DNAH17: variants seen among roughly 807,000 people sequenced by gnomAD.
The protein encoded by DNAH17 is dynein axonemal heavy chain 17, also known as axonemal beta dynein heavy chain 17.
In DNAH17, 376 loss-of-function variants were observed where a neutral mutation model predicts 485.6. The ratio of observed to expected loss-of-function variants is 0.77; its 90% CI spans 0.71 to 0.84. The LOEUF is 0.84. DNAH17 is among the 40% of genes least tolerant of loss of function. DNAH17 has a pLI of 0.00. For missense variants in DNAH17, 6,370 were observed against 5,839.3 expected (o/e 1.09, Z -2.96); for synonymous variants, 3,031 against 2,405.9 (o/e 1.26, Z -7.60).
Position 78,460,179 on chromosome 17 carries a change from G to A in DNAH17, c.9418C>T (p.Leu3140=), listed in dbSNP as rs754594014. 2.5e-5 allele frequency: 40 copies of A among 1,607,796 alleles called. No individual in the cohort carries two copies. The highest frequency in any genetic ancestry group is 3.3e-5 in the Non-Finnish European group (39 of 1,176,838). Residue 3140 remains leucine (L), a synonymous_variant, in exon 59 of 81, where the codon CTG becomes TTG. Transcript: ENST00000389840. ...EPALLAAQEA[L]DTLNKNNLTE... ...CCCTTTACCTTATTCAGAGTGTCCA[G>A]AGCCTCCTGGGCTGCCAGCAGGGCC...
At chr17:78,558,024 ATC>A (rs2092064803) in intron 14 of DNAH17, 82 bp downstream of exon 14, 1 of 1,463,628 alleles carries the variant, frequency 6.8e-7, no homozygotes, top group South Asian at 1.4e-5. Context: ...GAAGAGCCAC[ATC>A]TCTGAAACAC....
chr17:78,539,780 A>G lies in DNAH17; in HGVS notation c.2633T>C (p.Ile878Thr). 1 of 1,611,916 alleles carries G rather than the reference A, an allele frequency of 6.2e-7. No homozygotes were observed. Among genetic ancestry groups the G allele is most frequent in the South Asian group, 1.1e-5 (1 of 90,850 alleles). ...CATTAGGAAACTCAGAGATTTGCGA[A>G]TGAACTGGTCAAATTCATCTAAGAC... The part of the protein sequence containing the change: ...DMVLDEFDQF[I>T]RKSLSFLMDN... The change falls in exon 18 of 81, where the codon ATT (isoleucine) becomes ACT (threonine). Residue 878 changes from isoleucine to threonine, a missense_variant. Transcript: ENST00000389840.
At chr17:78,492,173 CA>C (rs1277094976) in intron 42 of DNAH17, among the ~76,000 whole-genome samples, 7 of 152,152 alleles carry the variant, frequency 4.6e-5, no homozygotes, top group African/African-American at 1.7e-4. Flanking sequence ...TCAGCTCTCG[CA>C]GCTCCTTTCT....
intron 69 of DNAH17, among the ~76,000 whole-genome samples, chr17:78,446,706 C>A (rs959340215): frequency 6.6e-6 from 1 of 152,134 alleles, no homozygotes; most frequent in South Asian, 2.1e-4. Flanking sequence ...CGCAGTAGCG[C>A]AATCTCGGCT....
At position 78,509,246 on chromosome 17, in the gene DNAH17, G is replaced by A. The variant is rs374387698; in HGVS notation, c.4236+1138C>T. Reference sequence around the variant, plus strand: ...TCCCCAAAGCGTTGGGATTACAGGCGTGAGCCACCGTGCCCGGTCCCCCGC... The same window carrying A: ...TCCCCAAAGCGTTGGGATTACAGGCATGAGCCACCGTGCCCGGTCCCCCGC... On this transcript the variant is annotated intron_variant, in intron 27 of 80. Coordinates refer to ENST00000389840, the MANE Select transcript of DNAH17 (RefSeq NM_173628.4). Among the ~76,000 whole-genome samples the A allele has an allele frequency of 6.7e-4, 101 of 150,534 alleles. 23 individuals are homozygous for A. Among genetic ancestry groups the A allele is most frequent in the African/African-American group, 2.4e-3 (96 of 40,780 alleles).
At position 78,551,653 on chromosome 17, in the gene DNAH17, T is replaced by C. The variant is rs755083683; in HGVS notation, c.2288-15A>G. 6.2e-7 allele frequency: 1 copy of C among 1,612,630 alleles called. No homozygotes were observed. Among genetic ancestry groups the C allele is most frequent in the South Asian group, 1.1e-5 (1 of 91,030 alleles). On this transcript the variant is annotated splice_polypyrimidine_tract_variant and intron_variant, in intron 15 of 80. Transcript: ENST00000389840. ...CTGAAACACACCTAAAATGGAAATG[T>C]AGAGGAATCTTACAAAATGAACAAT...
chr17:78,524,875 G>A, intron 25 of DNAH17, 134 bp downstream of exon 25: 2 of 1,252,138 alleles, frequency 1.6e-6, no homozygotes, highest in Admixed American at 2.6e-5. Flanking sequence ...CCCTTCGGAT[G>A]CCTCCACCCA....
At chr17:78,533,278 A>C (rs1159272044) in intron 19 of DNAH17, among the ~76,000 whole-genome samples, 1 of 152,198 alleles carries the variant, frequency 6.6e-6, no homozygotes, top group Admixed American at 6.5e-5. Flanking sequence ...TTCATCAAAG[A>C]ATCACAGAAA....
At chr17:78,509,345 G>A (rs1465574313) in intron 27 of DNAH17, among the ~76,000 whole-genome samples, 2 of 151,928 alleles carry the variant, frequency 1.3e-5, no homozygotes, top group Non-Finnish European at 2.9e-5. Flanking sequence ...GCCTTCTCTT[G>A]AACTCCTGGG....
Position 78,486,481 on chromosome 17 carries a change from G to GC in DNAH17, c.6843dup (p.Arg2282AlafsTer15). 1 of 1,611,074 alleles carries GC rather than the reference G, an allele frequency of 6.2e-7. No individual in the cohort carries two copies. On this transcript the variant is annotated frameshift_variant, in exon 45 of 81. Coordinates refer to ENST00000389840, the MANE Select transcript of DNAH17 (RefSeq NM_173628.4). LOFTEE classifies it high-confidence loss of function. ...TTGGCCTTCTCCGACTGCACCTTGC[G>GC]CCTCTCGATCCAGCTGCTCACCACC... is the stretch of plus-strand genomic sequence containing the variant.
At chr17:78,429,504 G>A (rs1320923699) in intron 75 of DNAH17, among the ~76,000 whole-genome samples, 2 of 152,154 alleles carry the variant, frequency 1.3e-5, no homozygotes, top group Non-Finnish European at 2.9e-5. Flanking sequence ...GCCACCAGAC[G>A]CCAATGTCCG....
At chr17:78,482,910 C>T (rs1301535476) in intron 48 of DNAH17, among the ~76,000 whole-genome samples, 2 of 152,178 alleles carry the variant, frequency 1.3e-5, no homozygotes, top group Non-Finnish European at 2.9e-5. Flanking sequence ...GAGGCTCCTC[C>T]TTGAGGAAAA....
intron 50 of DNAH17, 80 bp downstream of exon 50, chr17:78,479,405 A>C: frequency 6.9e-7 from 1 of 1,442,846 alleles, no homozygotes; most frequent in Non-Finnish European, 9.2e-7. Context: ...AATATTTATC[A>C]AGGGAAAATG....
chr17:78,500,291 C>A lies in DNAH17; in HGVS notation c.5640+14G>T, dbSNP rs774282535. Reference sequence around the variant, plus strand: ...GAAGACTCTGGGTCCCTCCTCCGGACCCCGGCCGCGTACCTTGTAGTCCAT... The same window carrying A: ...GAAGACTCTGGGTCCCTCCTCCGGAACCCGGCCGCGTACCTTGTAGTCCAT... On this transcript the variant is annotated intron_variant, in intron 36 of 80. Transcript: ENST00000389840. 22 of 1,604,580 alleles carry A rather than the reference C, an allele frequency of 1.4e-5. No individual in the cohort carries two copies. Among genetic ancestry groups the A allele is most frequent in the Middle Eastern group, 1.7e-4 (1 of 6,054 alleles).
chr17:78,552,113 A>AG (rs1466629354), intron 15 of DNAH17, among the ~76,000 whole-genome samples: 2 of 152,230 alleles, frequency 1.3e-5, no homozygotes, highest in Non-Finnish European at 2.9e-5. Flanking sequence ...TGAAATGCCA[A>AG]GGAATCACAA....
chr17:78,471,403 G>A (rs2088744336), intron 54 of DNAH17, among the ~76,000 whole-genome samples: 1 of 152,258 alleles, frequency 6.6e-6, no homozygotes, highest in African/African-American at 2.4e-5. Context: ...GAGGTAAGGA[G>A]CGTAGTGTGA....
intron 40 of DNAH17, 133 bp from the exon 41 acceptor site, chr17:78,494,306 G>C: frequency 7.6e-7 from 1 of 1,318,890 alleles, no homozygotes; most frequent in South Asian, 1.5e-5. Context: ...ACGTGCGTCT[G>C]CAAGTTCTGC....
intron 37 of DNAH17, among the ~76,000 whole-genome samples, chr17:78,496,474 AG>A (rs2146694651): frequency 2.3e-5 from 1 of 43,856 alleles, no homozygotes; most frequent in Admixed American, 2.3e-4. Context: ...GGGCGGGGGG[AG>A]GGTGGGCGCG....
Position 78,572,884 on chromosome 17 carries a change from G to C in DNAH17, c.356C>G (p.Ser119Cys). ...CATGTTCTCACTTTGGTTTAACAGA[G>C]AAGAGAGGACCTAAAAGGAAACACT... ...LIAVVEEVLSSLLNQSENMAG... is the reference protein window; with the variant it reads ...LIAVVEEVLSCLLNQSENMAG... Residue 119 changes from serine (S) to cysteine (C), a missense_variant, in exon 3 of 81, where the codon TCT becomes TGT. By Grantham distance (112) the Ser-to-Cys change is moderately radical. Coordinates refer to ENST00000389840, the MANE Select transcript of DNAH17 (RefSeq NM_173628.4). 1.2e-6 allele frequency: 2 copies of C among 1,613,620 alleles called. No homozygotes were observed. The highest frequency in any genetic ancestry group is 1.7e-6 in the Non-Finnish European group (2 of 1,179,746).
Sources: allele counts gnomAD v4.1 joint callset (sites outside exome capture counted in the v4.1 genomes callset), GRCh38; gene constraint gnomAD v4.1.1; transcripts MANE v1.5; gene names NCBI Gene and HGNC (gene_info 2026-07-23, HGNC 2026-07-21).